The following FAM13B variants were observed in gnomAD, a reference collection of about 807,000 sequenced individuals.
The protein encoded by FAM13B is protein FAM13B.
A neutral mutation model predicts 117.3 loss-of-function variants in FAM13B; 60 were observed. That is an observed-to-expected ratio of 0.51 (90% CI 0.42 to 0.63). The LOEUF (loss-of-function observed/expected upper bound fraction) is 0.63, where lower values mean the gene tolerates loss of function less well. Among genes scored for constraint, FAM13B ranks in the 30% least tolerant of loss-of-function variants. FAM13B has a pLI of 0.00. For synonymous variants in FAM13B, 332 were observed against 356.1 expected (o/e 0.93, Z 0.76); for missense variants, 972 against 1,091.9 (o/e 0.89, Z 1.55).
chr5:137,986,444 T>C (rs1380176142), intron 9 of FAM13B, among the ~76,000 whole-genome samples: 17 of 135,718 alleles, frequency 1.3e-4, no homozygotes, highest in East Asian at 4.0e-4. Flanking sequence ...CCAAAAAAAA[T>C]TGATATATGA....
At chr5:138,003,392 A>G (rs1287270447) in intron 7 of FAM13B, among the ~76,000 whole-genome samples, 1 of 152,236 alleles carries the variant, frequency 6.6e-6, no homozygotes, top group Non-Finnish European at 1.5e-5. Flanking sequence ...CCTGAAAAGT[A>G]CTATAATGAA....
intron 6 of FAM13B, among the ~76,000 whole-genome samples, chr5:138,008,426 A>T (rs1387487822): frequency 6.6e-6 from 1 of 152,176 alleles, no homozygotes; most frequent in Non-Finnish European, 1.5e-5. Flanking sequence ...TGGGTGACAG[A>T]GTAAGATTTG....
At position 137,938,862 on chromosome 5, in the gene FAM13B, T is replaced by C. The variant is rs181324666; in HGVS notation, c.*1363A>G. 6.6e-5 allele frequency: 10 copies of C among 152,130 alleles called. No homozygotes were observed. The East Asian group carries it at 7.7e-4, about 12-fold the overall frequency. The allele number at this position is 152,130 out of a possible 1,614,324, so 9.4% of individuals were successfully genotyped here. A position where few individuals can be genotyped will look rare whatever the true frequency, so the allele number is the denominator to read the frequency against. On this transcript the variant is annotated 3_prime_UTR_variant, in exon 24 of 24. Transcript: ENST00000689681. Reference sequence around the variant, plus strand: ...GCTAGTTAAGAAAACCATGCATGAGTCATTGCATGCAAAACATGGGTATAG... The same window carrying C: ...GCTAGTTAAGAAAACCATGCATGAGCCATTGCATGCAAAACATGGGTATAG...
chr5:138,034,450 T>C (rs1790869629), upstream of FAM13B, among the ~76,000 whole-genome samples: 1 of 152,182 alleles, frequency 6.6e-6, no homozygotes. Context: ...CTTTCCATCA[T>C]TCAGGGAGTC....
At position 138,019,209 on chromosome 5, in the gene FAM13B, A is replaced by G. The variant is rs999491487; in HGVS notation, c.-35-63T>C. 27 of 1,434,098 alleles carry G rather than the reference A, an allele frequency of 1.9e-5. No homozygotes were observed. In the South Asian group the frequency reaches 2.0e-4, roughly 11 times the overall value. The allele number at this position is 1,434,098 out of a possible 1,614,324, so 88.8% of individuals were successfully genotyped here. ...TTAACAGGTGGCAATATGACTAGAT[A>G]CATTAAAGAAAAATGCTTTACACCT... On this transcript the variant is annotated intron_variant, in intron 2 of 23. Coordinates refer to ENST00000689681, the MANE Select transcript of FAM13B (RefSeq NM_001385994.1).
At chr5:138,044,006 A>G (rs559253499) in intron 1 of FAM13B, among the ~76,000 whole-genome samples, 145 of 151,984 alleles carry the variant, frequency 9.5e-4, no homozygotes, top group Middle Eastern at 3.4e-3. Flanking sequence ...GTAGCCCAGA[A>G]CTCCTGGGCT....
chr5:137,989,148 A>G (rs1777978461), intron 7 of FAM13B, among the ~76,000 whole-genome samples: 1 of 152,232 alleles, frequency 6.6e-6, no homozygotes, highest in South Asian at 2.1e-4. Flanking sequence ...CCTGAACACC[A>G]CATCTGTAGC....
At chr5:137,960,062 T>G in intron 12 of FAM13B, 104 bp downstream of exon 12, 2 of 761,970 alleles carry the variant, frequency 2.6e-6, no homozygotes, top group South Asian at 3.4e-5. Flanking sequence ...GTAAGAGTAT[T>G]TATATTTAAA....
intron 23 of FAM13B, among the ~76,000 whole-genome samples, chr5:137,941,363 T>C (rs1761762774): frequency 6.6e-6 from 1 of 152,214 alleles, no homozygotes; most frequent in Non-Finnish European, 1.5e-5. Context: ...AGGCCTGAGA[T>C]AACTGAACCC....
chr5:138,021,880 G>A (rs1177566929), intron 1 of FAM13B, among the ~76,000 whole-genome samples: 1 of 152,084 alleles, frequency 6.6e-6, no homozygotes, highest in East Asian at 1.9e-4. Context: ...ACTATGAGAG[G>A]CCAAGGTGGG....
At chr5:138,010,843 A>AAAAAT (rs1783788782) in intron 6 of FAM13B, among the ~76,000 whole-genome samples, 165 bp downstream of exon 6, 1 of 152,026 alleles carries the variant, frequency 6.6e-6, no homozygotes, top group Non-Finnish European at 1.5e-5. Context: ...TGTTCAGGAA[A>AAAAAT]AAAATCATGA....
chr5:137,958,428 A>T (rs1343778861), intron 13 of FAM13B, among the ~76,000 whole-genome samples: 3 of 150,950 alleles, frequency 2.0e-5, no homozygotes, highest in Non-Finnish European at 4.4e-5. Flanking sequence ...TGGGGCTCTT[A>T]AAAAAAAATG....
At chr5:137,985,792 C>A (rs1777057590) in intron 9 of FAM13B, among the ~76,000 whole-genome samples, 1 of 152,184 alleles carries the variant, frequency 6.6e-6, no homozygotes, top group South Asian at 2.1e-4. Context: ...CTTCCTACTG[C>A]AGAGTTGTCA....
intron 9 of FAM13B, 50 bp downstream of exon 9, chr5:137,987,411 G>C (rs1328458972): frequency 6.8e-7 from 1 of 1,478,388 alleles, no homozygotes; most frequent in South Asian, 1.3e-5. Context: ...ACAGTTTTAA[G>C]ATAAAACAAT....
intron 10 of FAM13B, among the ~76,000 whole-genome samples, chr5:137,963,039 A>AT (rs1410311783): frequency 2.0e-5 from 3 of 152,200 alleles, no homozygotes; most frequent in African/African-American, 7.2e-5. Flanking sequence ...TACAAAATAC[A>AT]TGAACGTTGT....
Position 138,043,638 on chromosome 5 carries a change from C to T in FAM13B, c.-203+8240G>A, listed in dbSNP as rs186527211. 2.0e-3 allele frequency among the ~76,000 whole-genome samples: 297 copies of T among 151,998 alleles called. 1 individual carries two copies. Among genetic ancestry groups the T allele is most frequent in the African/African-American group, 6.8e-3 (283 of 41,458 alleles). On this transcript the variant is annotated intron_variant, in intron 1 of 3. Transcript: ENST00000502471. ...GTATTTTAGTAGAGACAGGGTTTCA[C>T]CATGTTGGTCAGACTGGTCTCGAAC...
At chr5:138,046,803 G>C (rs1791652472) in intron 1 of FAM13B, among the ~76,000 whole-genome samples, 4 of 151,918 alleles carry the variant, frequency 2.6e-5, no homozygotes, top group Admixed American at 2.6e-4. Context: ...CTGGAGTACA[G>C]TGGCACAATC....
At chr5:137,993,622 A>G (rs1317415559) in intron 7 of FAM13B, among the ~76,000 whole-genome samples, 1 of 151,452 alleles carries the variant, frequency 6.6e-6, no homozygotes, top group Non-Finnish European at 1.5e-5. Flanking sequence ...ATCTACTAAA[A>G]AAAAATACAA....
At chr5:137,998,723 AAT>A (rs1250983237) in intron 7 of FAM13B, among the ~76,000 whole-genome samples, 3 of 152,274 alleles carry the variant, frequency 2.0e-5, no homozygotes, top group African/African-American at 7.2e-5. Flanking sequence ...GATATTAAAG[AAT>A]GTGAACTTTA....
Sources: allele counts gnomAD v4.1 joint callset (sites outside exome capture counted in the v4.1 genomes callset), GRCh38; gene constraint gnomAD v4.1.1; transcripts MANE v1.5; gene names NCBI Gene and HGNC (gene_info 2026-07-23, HGNC 2026-07-21).